The following RAD54L2 variants were observed in gnomAD, a reference collection of about 807,000 sequenced individuals.
The protein encoded by RAD54L2 is RAD54 like 2, also known as helicase ARIP4.
Under a neutral mutation model 138.4 loss-of-function variants are expected in RAD54L2, and 27 were observed. The ratio of observed to expected loss-of-function variants is 0.20; its 90% confidence interval spans 0.14 to 0.27. The LOEUF (loss-of-function observed/expected upper bound fraction) is 0.27. RAD54L2 is among the 10% of genes least tolerant of loss of function. The probability of loss-of-function intolerance (pLI) is 1.00; values close to 1 mark genes in which losing one functional copy is unlikely to be tolerated. For synonymous variants in RAD54L2, 644 were observed against 723.2 expected, an observed-to-expected ratio of 0.89 and a Z score of 1.76; for missense variants, 1,396 against 1,890.2, an observed-to-expected ratio of 0.74 and a Z score of 4.85.
chr3:51,545,248 G>C (rs1296843984), intron 2 of RAD54L2, among the ~76,000 whole-genome samples: 1 of 151,816 alleles, frequency 6.6e-6, no homozygotes, highest in Non-Finnish European at 1.5e-5. Flanking sequence ...CTGGAGTGCA[G>C]TGGTGTGATC....
chr3:51,598,113 G>GTGTGTGTATATATATATATA (rs779662321), intron 3 of RAD54L2, among the ~76,000 whole-genome samples: 6 of 149,112 alleles, frequency 4.0e-5, no homozygotes, highest in Non-Finnish European at 5.9e-5. Flanking sequence ...ATATATATGT[G>GTGTGTGTATATATATATATA]TGTGTGTATA....
intron 3 of RAD54L2, among the ~76,000 whole-genome samples, chr3:51,615,769 G>A (rs1413478727): frequency 5.3e-5 from 8 of 152,194 alleles, no homozygotes; most frequent in Admixed American, 4.6e-4. Context: ...GGAGTCTTCT[G>A]AGGAGGCAGC....
At chr3:51,640,394 A>G (rs907779957) in intron 14 of RAD54L2, among the ~76,000 whole-genome samples, 1 of 152,228 alleles carries the variant, frequency 6.6e-6, no homozygotes, top group Admixed American at 6.5e-5. Flanking sequence ...TTAATCTTCT[A>G]TCCCGCCCCA....
chr3:51,610,738 C>G (rs1248953893), intron 3 of RAD54L2, among the ~76,000 whole-genome samples: 1 of 152,120 alleles, frequency 6.6e-6, no homozygotes, highest in Non-Finnish European at 1.5e-5. Flanking sequence ...ACTCTCAGCT[C>G]CCAGGCTCTC....
At chr3:51,607,483 A>G (rs1041273169) in intron 3 of RAD54L2, among the ~76,000 whole-genome samples, 54 of 152,348 alleles carry the variant, frequency 3.5e-4, no homozygotes, top group Non-Finnish European at 6.9e-4. Context: ...ACAGAACAAA[A>G]TGGAGTCTCC....
In RAD54L2 at chr3:51,662,699, G is replaced by T. The variant is rs1297772881; in HGVS notation, c.3683G>T (p.Gly1228Val). ...CTCGGAACTGAGCCTCGACTAGGGG[G>T]TCATTGCCTCAATAGTTCCCTCTTG... ...TALGTEPRLG[G>V]HCLNSSLLVT... The change falls in exon 23 of 23, where the codon GGT (glycine) becomes GTT (valine). Residue 1228 changes from glycine to valine, a missense_variant. Around this residue, in one of 7 missense-constraint regions of RAD54L2, gnomAD observed 634 missense variants for 711.2 expected, o/e 0.89. Transcript: ENST00000684192. The surrounding 1 kb of genome is among the most constrained non-coding windows in gnomAD (Gnocchi z 4.6). The T allele has an allele frequency of 6.2e-7, 1 of 1,613,898 alleles. No homozygotes were observed. Among genetic ancestry groups the T allele is most frequent in the African/African-American group, 1.3e-5 (1 of 75,056 alleles).
Position 51,630,751 on chromosome 3 carries a change from G to T in RAD54L2, c.645G>T (p.Val215=), listed in dbSNP as rs1415940381. 4 of 1,613,962 alleles carry T rather than the reference G, an allele frequency of 2.5e-6. No homozygotes were observed. Among genetic ancestry groups the T allele is most frequent in the Non-Finnish European group, 3.4e-6 (4 of 1,179,870 alleles). Residue 215 remains valine, a synonymous_variant, in exon 7 of 23, where the codon GTG becomes GTT. Coordinates refer to ENST00000684192, the MANE Select transcript of RAD54L2 (RefSeq NM_015106.4). ...GAGAGGAGGACACTCTGCACATTGT[G>T]GACAGCAGTGAATCTGTCAGTGAAG... ...SSGEEDTLHI[V]DSSESVSEDD... is the part of the protein sequence containing the mutation.
intron 2 of RAD54L2, among the ~76,000 whole-genome samples, chr3:51,559,669 TA>T (rs1479480357): frequency 6.6e-6 from 1 of 152,222 alleles, no homozygotes; most frequent in Non-Finnish European, 1.5e-5. Flanking sequence ...AACTTTTGGG[TA>T]AAACTGTATC....
At chr3:51,612,825 T>C (rs1239003530) in intron 3 of RAD54L2, among the ~76,000 whole-genome samples, 2 of 152,210 alleles carry the variant, frequency 1.3e-5, no homozygotes, top group Non-Finnish European at 2.9e-5. Context: ...GATTGGAATA[T>C]GATTTTCATC....
Position 51,662,629 on chromosome 3 carries a change from C to T in RAD54L2, c.3613C>T (p.Pro1205Ser), listed in dbSNP as rs748520877. The T allele has an allele frequency of 1.9e-6, 3 of 1,612,432 alleles. 1 individual carries two copies. The highest frequency in any genetic ancestry group is 2.2e-5 in the South Asian group (2 of 90,798). Residue 1205 changes from proline (P) to serine (S), a missense_variant, in exon 23 of 23, where the codon CCC becomes TCC. Coordinates refer to ENST00000684192, the MANE Select transcript of RAD54L2 (RefSeq NM_015106.4). This position sits in a 1 kb window ranked among gnomAD's most constrained non-coding sequence, Gnocchi z 4.6. ...AAGCACCAATGCCGCCCTGCCTGGC[C>T]CCCCGGCCCAACTTATGGACAGCAG... ...SPSTNAALPGPPAQLMDSSAV... is the reference protein window; with the variant it reads ...SPSTNAALPGSPAQLMDSSAV...
chr3:51,619,695 G>A (rs1312958113), intron 3 of RAD54L2, among the ~76,000 whole-genome samples: 2 of 151,900 alleles, frequency 1.3e-5, no homozygotes, highest in African/African-American at 4.8e-5. Flanking sequence ...AATTACTACT[G>A]GTGTGTCATA....
At chr3:51,623,980 C>CAAAAAAAA (rs35064930) in intron 3 of RAD54L2, among the ~76,000 whole-genome samples, 3 of 74,044 alleles carry the variant, frequency 4.1e-5, no homozygotes, top group Non-Finnish European at 7.7e-5. Context: ...CTCCGTCTCA[C>CAAAAAAAA]AAAAAAAAAA....
At chr3:51,596,671 A>G (rs1219561309) in intron 3 of RAD54L2, among the ~76,000 whole-genome samples, 1 of 152,050 alleles carries the variant, frequency 6.6e-6, no homozygotes. Flanking sequence ...TTCGTATGTG[A>G]ATATTTGCAA....
At chr3:51,607,205 T>G (rs1340310497) in intron 3 of RAD54L2, among the ~76,000 whole-genome samples, 4 of 152,064 alleles carry the variant, frequency 2.6e-5, no homozygotes, top group Admixed American at 2.6e-4. Flanking sequence ...GGTCAGCAGA[T>G]AAACATGTGA....
intron 2 of RAD54L2, among the ~76,000 whole-genome samples, chr3:51,579,415 C>A (rs909382126): frequency 1.3e-5 from 2 of 152,102 alleles, no homozygotes; most frequent in Non-Finnish European, 2.9e-5. Flanking sequence ...CCCTCTTCTG[C>A]CCAGAATTTC....
intron 2 of RAD54L2, among the ~76,000 whole-genome samples, chr3:51,589,009 A>T (rs766378237): frequency 8.6e-5 from 13 of 151,810 alleles, no homozygotes; most frequent in Non-Finnish European, 1.8e-4. Flanking sequence ...CCTGCCACAC[A>T]CCAGCCCTAA....
Position 51,638,243 on chromosome 3 carries a change from C to CAT in RAD54L2, c.1783_1784dup (p.Met595IlefsTer16), listed in dbSNP as rs1701038270. ...TCCAGCGAGATTTGTATACACAGTTCATGGATCGCTTCCGGGACTGTGGTA... is the reference window on the plus strand; with the variant it reads ...TCCAGCGAGATTTGTATACACAGTTCATATGGATCGCTTCCGGGACTGTGGTA... On this transcript the variant is annotated frameshift_variant, in exon 12 of 23. Coordinates refer to ENST00000684192, the MANE Select transcript of RAD54L2 (RefSeq NM_015106.4). LOFTEE classifies it high-confidence loss of function. The surrounding 1 kb of genome is among the most constrained non-coding windows in gnomAD (Gnocchi z 4.3). The CAT allele has an allele frequency of 6.2e-7, 1 of 1,613,886 alleles. No individual in the cohort carries two copies. The highest frequency in any genetic ancestry group is 8.5e-7 in the Non-Finnish European group (1 of 1,179,888).
intron 19 of RAD54L2, among the ~76,000 whole-genome samples, chr3:51,650,928 C>T (rs1701414173): frequency 6.6e-6 from 1 of 152,102 alleles, no homozygotes; most frequent in Admixed American, 6.5e-5. Flanking sequence ...GCAAGAATAA[C>T]TGAGATCAGA....
chr3:51,643,933 T>G lies in RAD54L2; in HGVS notation c.2409T>G (p.Asp803Glu). 1 of 1,607,440 alleles carries G rather than the reference T, an allele frequency of 6.2e-7. No individual in the cohort carries two copies. The highest frequency in any genetic ancestry group is 1.1e-5 in the South Asian group (1 of 89,158). Residue 803 changes from aspartate to glutamate, a missense_variant, in exon 16 of 23, where the codon GAT becomes GAG. This residue lies in a region of RAD54L2 where 78 missense variants were observed against 171.6 expected (regional missense o/e 0.45). Coordinates refer to ENST00000684192, the MANE Select transcript of RAD54L2 (RefSeq NM_015106.4). Reference sequence around the variant, plus strand: ...AGCGGCTTATTAATCAGTTCAATGATCCCAGCAACCTCACCACCTGGCTGT... The same window carrying G: ...AGCGGCTTATTAATCAGTTCAATGAGCCCAGCAACCTCACCACCTGGCTGT... ...ERERLINQFN[D>E]PSNLTTWLFL...
Sources: allele counts gnomAD v4.1 joint callset (sites outside exome capture counted in the v4.1 genomes callset), GRCh38; gene constraint gnomAD v4.1.1; regional missense constraint gnomAD v4.1.1; non-coding constraint Gnocchi (gnomAD v3.1); transcripts MANE v1.5; gene names NCBI Gene and HGNC (gene_info 2026-07-23, HGNC 2026-07-21).